Variants in WDR70 observed in about 807,000 individuals in gnomAD.
The protein encoded by WDR70 is WD repeat domain 70.
In WDR70, 53 loss-of-function variants were observed where a neutral mutation model predicts 88.6. The ratio of observed to expected loss-of-function variants is 0.60; its 90% CI spans 0.48 to 0.75. The LOEUF (loss-of-function observed/expected upper bound fraction) is 0.75. Among genes scored for constraint, WDR70 ranks in the 30% least tolerant of loss-of-function variants. WDR70 has a pLI of 0.00. For missense variants in WDR70, 610 were observed against 823.2 expected (o/e 0.74, Z 3.17); for synonymous variants, 280 against 270.0 (o/e 1.04, Z -0.36).
intron 10 of WDR70, among the ~76,000 whole-genome samples, chr5:37,637,434 T>C (rs1745004089): frequency 6.6e-6 from 1 of 152,052 alleles, no homozygotes. Context: ...CCCTTGTTGG[T>C]GTCAACATAG....
intron 17 of WDR70, among the ~76,000 whole-genome samples, chr5:37,732,589 T>A (rs1175646112): frequency 6.6e-6 from 1 of 152,104 alleles, no homozygotes; most frequent in Non-Finnish European, 1.5e-5. Flanking sequence ...ATTTTTATAA[T>A]TTTTTAGCAT....
intron 9 of WDR70, among the ~76,000 whole-genome samples, chr5:37,567,366 C>G (rs980081361): frequency 1.3e-5 from 2 of 151,946 alleles, no homozygotes; most frequent in African/African-American, 2.4e-5. Context: ...TTTGTTCTGC[C>G]CACAGAATTT....
At chr5:37,449,153 A>G (rs866794219) in intron 7 of WDR70, among the ~76,000 whole-genome samples, 8 of 152,074 alleles carry the variant, frequency 5.3e-5, no homozygotes, top group Middle Eastern at 3.4e-3. Context: ...ATTTAAATAA[A>G]CTTTTTGGTT....
At chr5:37,514,568 C>T (rs1181494627) in intron 8 of WDR70, among the ~76,000 whole-genome samples, 2 of 151,326 alleles carry the variant, frequency 1.3e-5, no homozygotes, top group African/African-American at 4.8e-5. Context: ...CCGAGGGGCC[C>T]CAGTTCGTGC....
intron 9 of WDR70, among the ~76,000 whole-genome samples, chr5:37,574,695 G>A (rs1455552476): frequency 6.6e-6 from 1 of 152,112 alleles, no homozygotes; most frequent in Non-Finnish European, 1.5e-5. Flanking sequence ...TAAGCTATAT[G>A]ATCAAAATAA....
At chr5:37,651,428 T>C (rs1303705220) in intron 10 of WDR70, among the ~76,000 whole-genome samples, 9 of 152,202 alleles carry the variant, frequency 5.9e-5, no homozygotes, top group Non-Finnish European at 1.3e-4. Context: ...TAAACGTACA[T>C]GTGCATGTGT....
chr5:37,658,589 A>C (rs1745619825), intron 10 of WDR70, among the ~76,000 whole-genome samples: 1 of 152,126 alleles, frequency 6.6e-6, no homozygotes, highest in South Asian at 2.1e-4. Context: ...TCCCCTAGGC[A>C]GAATTAGTCA....
At chr5:37,601,230 A>G (rs1000522247) in intron 9 of WDR70, among the ~76,000 whole-genome samples, 1 of 152,218 alleles carries the variant, frequency 6.6e-6, no homozygotes, top group South Asian at 2.1e-4. Flanking sequence ...AGTTTTTATC[A>G]TGAACAATGT....
At chr5:37,654,082 G>C (rs1185172985) in intron 10 of WDR70, among the ~76,000 whole-genome samples, 2 of 152,148 alleles carry the variant, frequency 1.3e-5, no homozygotes, top group East Asian at 3.9e-4. Context: ...TGGGCATTTA[G>C]TGCTATAAAT....
At chr5:37,406,015 C>A (rs1385386308) in intron 5 of WDR70, among the ~76,000 whole-genome samples, 1 of 151,982 alleles carries the variant, frequency 6.6e-6, no homozygotes, top group Non-Finnish European at 1.5e-5. Context: ...TGTACTCCAG[C>A]CTGAGTGACA....
At chr5:37,415,803 C>T (rs1235314266) in intron 5 of WDR70, among the ~76,000 whole-genome samples, 10 of 147,962 alleles carry the variant, frequency 6.8e-5, no homozygotes, top group East Asian at 6.3e-4. Context: ...ACGGGGCGGC[C>T]GGGCAGAGAC....
At chr5:37,639,072 A>G (rs1420913197) in intron 10 of WDR70, among the ~76,000 whole-genome samples, 1 of 152,228 alleles carries the variant, frequency 6.6e-6, no homozygotes, top group Non-Finnish European at 1.5e-5. Context: ...TGCAGAACGT[A>G]AAAACAAACC....
At chr5:37,540,683 C>T (rs187662758) in intron 9 of WDR70, among the ~76,000 whole-genome samples, 24 of 152,266 alleles carry the variant, frequency 1.6e-4, no homozygotes, top group East Asian at 1.2e-3. Context: ...CCTGGCCTAA[C>T]GTCCTTCTTT....
At chr5:37,703,860 G>A (rs1747239188) in intron 13 of WDR70, among the ~76,000 whole-genome samples, 1 of 152,084 alleles carries the variant, frequency 6.6e-6, no homozygotes, top group South Asian at 2.1e-4. Flanking sequence ...ATTTTCTTTG[G>A]CTCATTGTCA....
In WDR70 at chr5:37,588,109, A is replaced by G. The variant is rs370262903; in HGVS notation, c.918-16955A>G. On this transcript the variant is annotated intron_variant, in intron 9 of 17. Coordinates refer to ENST00000265107, the MANE Select transcript of WDR70 (RefSeq NM_018034.4). ...CAAGAGAACTTAAGAATAGGGTAGT[A>G]TTAAAGATCAATAGATAGATACTAA... Among the ~76,000 whole-genome samples, 33 of 152,310 alleles carry G rather than the reference A, an allele frequency of 2.2e-4. No individual in the cohort carries two copies. The East Asian group carries it at 5.6e-3, about 26-fold the overall frequency.
At chr5:37,629,380 A>G (rs1254135072) in intron 10 of WDR70, among the ~76,000 whole-genome samples, 1 of 151,128 alleles carries the variant, frequency 6.6e-6, no homozygotes, top group African/African-American at 2.4e-5. Flanking sequence ...CCTCACCTTT[A>G]CCCTTCTTTT....
intron 9 of WDR70, among the ~76,000 whole-genome samples, chr5:37,594,395 A>T (rs1198171007): frequency 1.2e-4 from 19 of 152,196 alleles, no homozygotes; most frequent in African/African-American, 4.3e-4. Context: ...ATTTATTAAA[A>T]AGGGAATCCT....
intron 9 of WDR70, among the ~76,000 whole-genome samples, chr5:37,557,957 A>ACTCTTTTCAAAACTC: frequency 7.2e-6 from 1 of 139,250 alleles, no homozygotes. Flanking sequence ...TCAAAAGAGT[A>ACTCTTTTCAAAACTC]TTATGTATAT....
intron 9 of WDR70, among the ~76,000 whole-genome samples, chr5:37,538,419 G>C (rs1741726401): frequency 6.6e-6 from 1 of 152,168 alleles, no homozygotes; most frequent in South Asian, 2.1e-4. Flanking sequence ...TATTGTAGTG[G>C]CTGGAGAGCT....
Sources: allele counts gnomAD v4.1 joint callset (sites outside exome capture counted in the v4.1 genomes callset), GRCh38; gene constraint gnomAD v4.1.1; transcripts MANE v1.5; gene names NCBI Gene and HGNC (gene_info 2026-07-23, HGNC 2026-07-21).